FOSL1: variants seen among roughly 807,000 people sequenced by gnomAD.
FOSL1 encodes the protein fos-related antigen 1.
Under a neutral mutation model 24.9 loss-of-function variants are expected in FOSL1, and 14 were observed. The observed-to-expected ratio is 0.56, with a 90% confidence interval of 0.37 to 0.88. The LOEUF (loss-of-function observed/expected upper bound fraction) is 0.88. Among genes scored for constraint, FOSL1 ranks in the 40% least tolerant of loss-of-function variants. FOSL1 has a pLI of 0.00. For synonymous variants in FOSL1, 133 were observed against 145.1 expected (o/e 0.92, Z 0.60); for missense variants, 318 against 359.8 (o/e 0.88, Z 0.94).
At chr11:65,897,680 A>T (rs1332445017) in intron 1 of FOSL1, among the ~76,000 whole-genome samples, 1 of 151,996 alleles carries the variant, frequency 6.6e-6, no homozygotes, top group Non-Finnish European at 1.5e-5. Context: ...TTGTCCGCAG[A>T]CACAGAGCCA....
At chr11:65,893,328 TGA>T (rs780967313) in intron 3 of FOSL1, 32 bp from the exon 4 acceptor site, 9 of 1,559,628 alleles carry the variant, frequency 5.8e-6, no homozygotes, top group Non-Finnish European at 7.8e-6. Flanking sequence ...GTCAGAAAGG[TGA>T]GGGCTGAATA....
In FOSL1 at chr11:65,893,045, T is replaced by C; in HGVS notation, c.657A>G (p.Thr219=). The C allele has an allele frequency of 6.2e-7, 1 of 1,610,346 alleles. No homozygotes were observed. The highest frequency in any genetic ancestry group is 8.5e-7 in the Non-Finnish European group (1 of 1,178,688). Reference sequence around the variant, plus strand: ...GAGTTAGGGAGGGTGTGGTCATGAGTGTGGGGGTGTGCAGTGCCTCAGGTT... The same window carrying C: ...GAGTTAGGGAGGGTGTGGTCATGAGCGTGGGGGTGTGCAGTGCCTCAGGTT... The part of the protein sequence containing the change: ...VLEPEALHTP[T]LMTTPSLTPF... Residue 219 remains threonine (T), a synonymous_variant, in exon 4 of 4, where the codon ACA becomes ACG. Coordinates refer to ENST00000312562, the MANE Select transcript of FOSL1 (RefSeq NM_005438.5).
At chr11:65,898,188 C>T (rs1355701123) in intron 1 of FOSL1, among the ~76,000 whole-genome samples, 1 of 151,640 alleles carries the variant, frequency 6.6e-6, no homozygotes, top group Non-Finnish European at 1.5e-5. Flanking sequence ...CTACAGGCGC[C>T]CACAACTGTG....
intron 1 of FOSL1, 90 bp downstream of exon 1, chr11:65,900,151 C>T: frequency 1.6e-6 from 1 of 629,012 alleles, no homozygotes; most frequent in Non-Finnish European, 2.3e-6. Context: ...GACTCCGGTT[C>T]CCCGCTCCAG....
chr11:65,893,366 C>T, intron 3 of FOSL1, 70 bp from the exon 4 acceptor site: 3 of 1,342,150 alleles, frequency 2.2e-6, no homozygotes, highest in Non-Finnish European at 2.0e-6. Flanking sequence ...CGTTTGGACT[C>T]AGGGTTCTGA....
chr11:65,896,929 CA>C lies in FOSL1; in HGVS notation c.176del (p.Leu59ArgfsTer10). 1 of 1,614,136 alleles carries C rather than the reference CA, an allele frequency of 6.2e-7. No homozygotes were observed. Among genetic ancestry groups the C allele is most frequent in the South Asian group, 1.1e-5 (1 of 91,088 alleles). ...GAGGCCTGGGGTAACTGCTGGGCCC[CA>C]GGAAATGAGGCTGTACCATCCACTG... ...ELQWMVQPHF[L>X]GPSSYPRPLT... is the part of the protein sequence containing the mutation. On this transcript the variant is annotated frameshift_variant, in exon 2 of 4. Coordinates refer to ENST00000312562, the MANE Select transcript of FOSL1 (RefSeq NM_005438.5). LOFTEE classifies it high-confidence loss of function.
intron 1 of FOSL1, among the ~76,000 whole-genome samples, chr11:65,898,724 T>G (rs1199477126): frequency 6.6e-6 from 1 of 152,146 alleles, no homozygotes; most frequent in Non-Finnish European, 1.5e-5. Flanking sequence ...TTTGGGAGGC[T>G]GAGGTAGAAG....
At position 65,893,991 on chromosome 11, in the gene FOSL1, G is replaced by A. The variant is rs374936975; in HGVS notation, c.405+23C>T. 2.3e-5 allele frequency: 35 copies of A among 1,525,820 alleles called. No individual in the cohort carries two copies. In the African/African-American group the frequency reaches 2.7e-4, roughly 12 times the overall value. The allele number at this position is 1,525,820 out of a possible 1,614,324, so 94.5% of individuals were successfully genotyped here. On this transcript the variant is annotated intron_variant, in intron 3 of 3. Transcript: ENST00000312562. ...TGGGAGACAGGGTCCCTCTGAGCTC[G>A]GTGGACCAGGGCTGGTGCTCACCGC...
chr11:65,900,220 C>G (rs866947608), intron 1 of FOSL1, 21 bp downstream of exon 1: 17 of 1,183,560 alleles, frequency 1.4e-5, no homozygotes, highest in Middle Eastern at 6.4e-4. Context: ...CGTGGGACCA[C>G]CGGCGTCGGG....
intron 1 of FOSL1, among the ~76,000 whole-genome samples, chr11:65,898,684 G>A (rs1860591825): frequency 6.6e-6 from 1 of 152,132 alleles, no homozygotes; most frequent in Admixed American, 6.6e-5. Context: ...AAATTTTAGT[G>A]GACTAGGCAT....
intron 1 of FOSL1, among the ~76,000 whole-genome samples, chr11:65,898,045 G>GTTTTGTTTTTT (rs1860574507): frequency 3.9e-5 from 4 of 101,838 alleles, no homozygotes; most frequent in African/African-American, 1.6e-4. Flanking sequence ...TTTCTTTTCT[G>GTTTTGTTTTTT]TTTTTTTTTT....
intron 2 of FOSL1, among the ~76,000 whole-genome samples, chr11:65,894,877 G>C (rs564828470): frequency 6.6e-6 from 1 of 151,770 alleles, no homozygotes; most frequent in East Asian, 1.9e-4. Flanking sequence ...GGCTGGTCTT[G>C]AACTCTTAAC....
Position 65,900,256 on chromosome 11 carries a change from C to T in FOSL1, c.84G>A (p.Ala28=). ...CCCCACTCACCTGCTGGGCTGCCTG[C>T]GCTGCGGCCGGGGGCTGCGCGGGGC... ...YGGPAQPPAA[A]QAAQQKFHLV... is the part of the protein sequence containing the mutation. Residue 28 remains alanine, a synonymous_variant, in exon 1 of 4, where the codon GCG becomes GCA. Transcript: ENST00000312562. 2 of 1,243,536 alleles carry T rather than the reference C, an allele frequency of 1.6e-6. No individual in the cohort carries two copies. The highest frequency in any genetic ancestry group is 3.4e-5 in the South Asian group (1 of 29,676). 77.0% of individuals were successfully genotyped at this position (1,243,536 alleles called of 1,614,324 possible).
Position 65,894,046 on chromosome 11 carries a change from G to T in FOSL1, c.373C>A (p.Arg125=), listed in dbSNP as rs752121425. Residue 125 remains arginine, a synonymous_variant, in exon 3 of 4, where the codon CGG becomes AGG. Transcript: ENST00000312562. ...AGGAAGTCGGTCAGTTCCTTCCTCC[G>T]GTTCCTGCACTTGGCCGCAGCCAGC... ...NKLAAAKCRN[R]RKELTDFLQA... The T allele has an allele frequency of 1.9e-6, 3 of 1,610,414 alleles. No homozygotes were observed. Among genetic ancestry groups the T allele is most frequent in the South Asian group, 2.2e-5 (2 of 90,192 alleles).
chr11:65,893,194 G>A lies in FOSL1; in HGVS notation c.508C>T (p.Pro170Ser). 1 of 1,614,044 alleles carries A rather than the reference G, an allele frequency of 6.2e-7. No homozygotes were observed. Among genetic ancestry groups the A allele is most frequent in the Non-Finnish European group, 8.5e-7 (1 of 1,180,004 alleles). The change falls in exon 4 of 4, where the codon CCC (proline) becomes TCC (serine). Residue 170 changes from proline (P) to serine (S), a missense_variant. Pro to Ser is a moderately conservative substitution (Grantham distance 74). Coordinates refer to ENST00000312562, the MANE Select transcript of FOSL1 (RefSeq NM_005438.5). ...RLELVLEAHR[P>S]ICKIPEGAKE... is the part of the protein sequence containing the mutation. ...GCTCCTTCCGGGATTTTGCAGATGG[G>A]TCGGTGGGCTTCCAGCACCAGCTCT...
chr11:65,893,107 C>G lies in FOSL1; in HGVS notation c.595G>C (p.Val199Leu). 1 of 1,612,718 alleles carries G rather than the reference C, an allele frequency of 6.2e-7. No homozygotes were observed. Among genetic ancestry groups the G allele is most frequent in the South Asian group, 1.1e-5 (1 of 91,014 alleles). Residue 199 changes from valine (V) to leucine (L), a missense_variant, in exon 4 of 4, where the codon GTA (valine) becomes CTA (leucine). Transcript: ENST00000312562. ...CCTGGGGAAAGGGAGATACAAGGTA[C>G]AGGGCGGCAGGGGGCTGGTGGGCTG... is the stretch of plus-strand genomic sequence containing the variant. Reference protein sequence around the residue: ...TSSPPAPCRPVPCISLSPGPV... With the variant: ...TSSPPAPCRPLPCISLSPGPV...
Position 65,892,752 on chromosome 11 carries a change from C to T in FOSL1, c.*134G>A, listed in dbSNP as rs1591083955. 5.9e-6 allele frequency: 5 copies of T among 854,580 alleles called. No individual in the cohort carries two copies. The highest frequency in any genetic ancestry group is 9.4e-6 in the Non-Finnish European group (5 of 529,280). The allele number at this position is 854,580 out of a possible 1,614,324, so 52.9% of individuals were successfully genotyped here. On this transcript the variant is annotated 3_prime_UTR_variant, in exon 4 of 4. Transcript: ENST00000312562. ...GCTCTACTGTGAAGCACAATATGGTCAGTCTCATTAGAGGGATGGAGAAGA... is the reference window on the plus strand; with the variant it reads ...GCTCTACTGTGAAGCACAATATGGTTAGTCTCATTAGAGGGATGGAGAAGA...
Position 65,898,043 on chromosome 11 carries a change from C to CCGTTTTTT in FOSL1, c.100-1038_100-1037insAAAAAACG, listed in dbSNP as rs1416098633. ...ATTTGGCTAATTTTTTTTTTCTTTT[C>CCGTTTTTT]TGTTTTTTTTTTTTTGAGACACAGT... is the stretch of plus-strand genomic sequence containing the variant. On this transcript the variant is annotated intron_variant, in intron 1 of 3. Coordinates refer to ENST00000312562, the MANE Select transcript of FOSL1 (RefSeq NM_005438.5). Among the ~76,000 whole-genome samples, 207 of 79,648 alleles carry CCGTTTTTT rather than the reference C, an allele frequency of 2.6e-3. 38 individuals are homozygous for CCGTTTTTT. Among genetic ancestry groups the CCGTTTTTT allele is most frequent in the South Asian group, 8.2e-3 (21 of 2,574 alleles). 52.3% of individuals were successfully genotyped at this position (79,648 alleles called of 152,430 possible).
intron 2 of FOSL1, among the ~76,000 whole-genome samples, chr11:65,894,614 C>T (rs887618941): frequency 1.3e-5 from 2 of 152,168 alleles, no homozygotes; most frequent in East Asian, 1.9e-4. Context: ...AAGTACTTTA[C>T]GTAGATTCTT....
Sources: gnomAD v4.1 joint callset for allele counts (sites outside exome capture counted in the v4.1 genomes callset) on GRCh38, gnomAD v4.1.1 for gene constraint, MANE v1.5 for transcripts, NCBI Gene and HGNC (gene_info 2026-07-23, HGNC 2026-07-21) for gene names.